The following OGG1 variants were observed in gnomAD, a reference collection of about 807,000 sequenced individuals.
OGG1 encodes 8-oxoguanine DNA glycosylase, also known as N-glycosylase/DNA lyase.
Under a neutral mutation model 42.3 loss-of-function variants are expected in OGG1, and 35 were observed. The observed-to-expected ratio is 0.83, with a 90% CI of 0.63 to 1.10. OGG1 has a LOEUF of 1.10. Among genes scored for constraint, OGG1 ranks in the 50% least tolerant of loss-of-function variants. The pLI, the probability that OGG1 is intolerant of heterozygous loss-of-function variation, is 0.00. For missense variants in OGG1, 484 were observed against 446.7 expected (o/e 1.08, Z -0.75); for synonymous variants, 189 against 179.0 (o/e 1.06, Z -0.44).
chr3:9,761,097 G>A, downstream of OGG1: 1 of 346,570 alleles, frequency 2.9e-6, no homozygotes, highest in East Asian at 5.9e-5. Flanking sequence ...TACTGAAATG[G>A]CATCACCCCG....
downstream of OGG1, among the ~76,000 whole-genome samples, chr3:9,770,149 GT>G (rs1328336415): frequency 1.3e-5 from 2 of 152,224 alleles, no homozygotes; most frequent in African/African-American, 4.8e-5. Context: ...CTTAAGCGGG[GT>G]CCATTTCACA....
downstream of OGG1, chr3:9,760,732 A>G: frequency 1.9e-6 from 3 of 1,614,102 alleles, no homozygotes; most frequent in Non-Finnish European, 2.5e-6. Flanking sequence ...AGAGTTTGGC[A>G]TCATTCTCGT....
At chr3:9,764,388 T>C (rs1209842172) in intron 7 of OGG1, among the ~76,000 whole-genome samples, 1 of 152,074 alleles carries the variant, frequency 6.6e-6, no homozygotes, top group Non-Finnish European at 1.5e-5. Flanking sequence ...TCTTGGCTCA[T>C]CACAATTTCT....
intron 3 of OGG1, among the ~76,000 whole-genome samples, chr3:9,753,813 A>G (rs1048748318): frequency 1.3e-5 from 2 of 152,268 alleles, no homozygotes; most frequent in African/African-American, 4.8e-5. Flanking sequence ...GAATAAAGCA[A>G]TCATGAGGCA....
chr3:9,781,565 C>G (rs1201460400), exon 3 of OGG1: 1 of 456,630 alleles, frequency 2.2e-6, no homozygotes, highest in South Asian at 1.5e-5. Flanking sequence ...CATTCCAGAG[C>G]CCCCTAAGGT....
At chr3:9,776,560 G>C (rs1194287871) in intron 2 of OGG1, among the ~76,000 whole-genome samples, 1 of 151,708 alleles carries the variant, frequency 6.6e-6, no homozygotes, top group Non-Finnish European at 1.5e-5. Context: ...CGGCTAATTT[G>C]TTGTATTTTT....
intron 3 of OGG1, 25 bp downstream of exon 3, chr3:9,751,974 C>A: frequency 1.2e-6 from 2 of 1,607,898 alleles, no homozygotes; most frequent in Non-Finnish European, 1.7e-6. Context: ...CCCCTGCCCC[C>A]AGGCCTTCCA....
intron 2 of OGG1, among the ~76,000 whole-genome samples, chr3:9,775,540 G>A (rs1173526475): frequency 2.0e-5 from 3 of 152,100 alleles, no homozygotes; most frequent in Non-Finnish European, 2.9e-5. Context: ...AACCACCAGT[G>A]GCTCCCTGTT....
chr3:9,758,720 C>G (rs970590113), downstream of OGG1: 2 of 197,318 alleles, frequency 1.0e-5, no homozygotes, highest in African/African-American at 4.7e-5. Flanking sequence ...ACCCCCATCT[C>G]CGAGGTTCAA....
downstream of OGG1, chr3:9,761,498 C>T (rs148571810): frequency 3.7e-6 from 6 of 1,613,480 alleles, no homozygotes; most frequent in Non-Finnish European, 4.2e-6. Context: ...CAGCAATCCA[C>T]AGCCTTGCTG....
chr3:9,751,260 G>T, intron 2 of OGG1, 68 bp downstream of exon 2: 1 of 1,545,756 alleles, frequency 6.5e-7, no homozygotes, highest in Non-Finnish European at 8.9e-7. Context: ...ACTCAGTTTT[G>T]CCACCTGTAA....
chr3:9,783,316 A>T (rs2078523955), intron 3 of OGG1: 1 of 151,552 alleles, frequency 6.6e-6, no homozygotes, highest in African/African-American at 2.4e-5. Context: ...AGAAGCGTAA[A>T]TTTTTTTTCT....
At chr3:9,759,261 A>G, downstream of OGG1, 2 of 1,613,954 alleles carry the variant, frequency 1.2e-6, no homozygotes, top group Non-Finnish European at 1.7e-6. Context: ...CTGAAGAATT[A>G]CAGACTTCTT....
downstream of OGG1, chr3:9,760,990 T>C: frequency 1.7e-6 from 1 of 573,406 alleles, no homozygotes; most frequent in Non-Finnish European, 3.0e-6. Context: ...GCACTTGCCA[T>C]TGCTTCTGCC....
At chr3:9,787,550 C>T (rs2078644979) in intron 3 of OGG1, 1 of 958,918 alleles carries the variant, frequency 1.0e-6, no homozygotes, top group Non-Finnish European at 1.5e-6. Context: ...CTAAGACACA[C>T]ACACAGAAGC....
downstream of OGG1, chr3:9,769,833 T>G (rs891995682): frequency 4.6e-5 from 7 of 152,224 alleles, no homozygotes; most frequent in African/African-American, 1.7e-4. Context: ...CGGCTGTACC[T>G]GCGGCTGCCC....
intron 4 of OGG1, among the ~76,000 whole-genome samples, chr3:9,755,614 C>T (rs2125549687): frequency 6.6e-6 from 1 of 152,138 alleles, no homozygotes; most frequent in South Asian, 2.1e-4. Flanking sequence ...CAGGCATGCG[C>T]CACCACACCC....
chr3:9,788,520 C>T (rs1559720230), downstream of OGG1, among the ~76,000 whole-genome samples: 1 of 151,402 alleles, frequency 6.6e-6, no homozygotes, highest in Admixed American at 6.6e-5. Context: ...GCTGGGATTA[C>T]AGGCTTGAGC....
At chr3:9,789,369 C>A, downstream of OGG1, 2 of 727,754 alleles carry the variant, frequency 2.7e-6, no homozygotes, top group Non-Finnish European at 4.4e-6. Flanking sequence ...GCCTAGGTGT[C>A]TGGAGGCACT....
Sources: allele counts gnomAD v4.1 joint callset (sites outside exome capture counted in the v4.1 genomes callset), GRCh38; gene constraint gnomAD v4.1.1; transcripts MANE v1.5; gene names NCBI Gene and HGNC (gene_info 2026-07-23, HGNC 2026-07-21).